The following QRICH1 variants were observed in gnomAD, a reference collection of about 807,000 sequenced individuals.
QRICH1 encodes the protein glutamine rich 1.
A neutral mutation model predicts 87.1 loss-of-function variants in QRICH1; 16 were observed. That is an observed-to-expected ratio of 0.18 (90% confidence interval 0.12 to 0.28). The LOEUF (loss-of-function observed/expected upper bound fraction) is 0.28. QRICH1 is among the 10% of genes least tolerant of loss of function. The probability of loss-of-function intolerance (pLI) is 1.00; values close to 1 mark genes in which losing one functional copy is unlikely to be tolerated. For missense variants in QRICH1, 647 were observed against 951.7 expected, an observed-to-expected ratio of 0.68 and a Z score of 4.21; for synonymous variants, 367 against 368.4, an observed-to-expected ratio of 1.00 and a Z score of 0.05.
At chr3:49,087,519 T>C (rs1034489101) in intron 1 of QRICH1, among the ~76,000 whole-genome samples, 4 of 150,638 alleles carry the variant, frequency 2.7e-5, no homozygotes, top group Non-Finnish European at 4.4e-5. Flanking sequence ...CACTCCAGCC[T>C]GGGCAACAGA....
At chr3:49,092,846 T>TAA (rs1486452860) in intron 1 of QRICH1, among the ~76,000 whole-genome samples, 1 of 152,214 alleles carries the variant, frequency 6.6e-6, no homozygotes, top group Non-Finnish European at 1.5e-5. Context: ...TCAAAAAAGG[T>TAA]AAAGCACTGA....
intron 3 of QRICH1, among the ~76,000 whole-genome samples, chr3:49,052,508 T>G (rs2093376858): frequency 6.6e-6 from 1 of 151,994 alleles, no homozygotes; most frequent in South Asian, 2.1e-4. Context: ...TCTGCCCCTT[T>G]TTTGTTTGTT....
At chr3:49,039,867 C>A (rs1283743035) in intron 6 of QRICH1, among the ~76,000 whole-genome samples, 1 of 152,004 alleles carries the variant, frequency 6.6e-6, no homozygotes, top group Admixed American at 6.6e-5. Flanking sequence ...TGAGACCAGC[C>A]TGGCCAACAT....
At chr3:49,034,722 T>G (rs2093264269) in intron 6 of QRICH1, among the ~76,000 whole-genome samples, 1 of 152,156 alleles carries the variant, frequency 6.6e-6, no homozygotes, top group Non-Finnish European at 1.5e-5. Context: ...GGTCAATAAT[T>G]TGAATAAGAG....
At chr3:49,058,848 G>C (rs1474126398) in intron 2 of QRICH1, among the ~76,000 whole-genome samples, 1 of 152,048 alleles carries the variant, frequency 6.6e-6, no homozygotes, top group Admixed American at 6.6e-5. Context: ...GGCTGGTCTC[G>C]AACTCCCGAC....
At position 49,057,940 on chromosome 3, in the gene QRICH1, C is replaced by T; in HGVS notation, c.310-50G>A. On this transcript the variant is annotated intron_variant, in intron 2 of 9. Transcript: ENST00000395443. The surrounding 1 kb of genome is among the most constrained non-coding windows in gnomAD (Gnocchi z 5.4). ...GAGTGAACCAGGCAGCACTGAAAATCCAGTACCCAAGGAAAGAAAGAAAAG... is the reference window on the plus strand; with the variant it reads ...GAGTGAACCAGGCAGCACTGAAAATTCAGTACCCAAGGAAAGAAAGAAAAG... 5.6e-6 allele frequency: 9 copies of T among 1,613,448 alleles called. No individual in the cohort carries two copies. Among genetic ancestry groups the T allele is most frequent in the Non-Finnish European group, 7.6e-6 (9 of 1,179,978 alleles).
chr3:49,049,329 C>T (rs2093356860), intron 3 of QRICH1, among the ~76,000 whole-genome samples: 1 of 151,602 alleles, frequency 6.6e-6, no homozygotes, highest in Non-Finnish European at 1.5e-5. Context: ...CCTGTAATCT[C>T]AGCTACTTGG....
At chr3:49,048,286 C>T (rs1468638288) in intron 3 of QRICH1, among the ~76,000 whole-genome samples, 1 of 151,658 alleles carries the variant, frequency 6.6e-6, no homozygotes, top group Admixed American at 6.6e-5. Flanking sequence ...GCATGTGCCA[C>T]CACGCCCGGC....
intron 3 of QRICH1, among the ~76,000 whole-genome samples, chr3:49,055,086 G>A (rs1436852634): frequency 1.3e-5 from 2 of 152,064 alleles, no homozygotes; most frequent in Admixed American, 1.3e-4. Flanking sequence ...TAAGCTATAT[G>A]AAGCAAAAAA....
At chr3:49,064,299 G>C (rs187850335) in intron 2 of QRICH1, among the ~76,000 whole-genome samples, 2 of 143,578 alleles carry the variant, frequency 1.4e-5, no homozygotes, top group African/African-American at 2.6e-5. Context: ...CTGGAGTGCA[G>C]TGGTGTGATC....
At chr3:49,032,886 G>A (rs1246457399) in intron 7 of QRICH1, 113 bp from the exon 8 acceptor site, 3 of 1,330,084 alleles carry the variant, frequency 2.3e-6, no homozygotes, top group Non-Finnish European at 2.0e-6. Flanking sequence ...CCAAGATCTG[G>A]GCAGGCCCGT....
At chr3:49,043,208 G>A (rs1190766741) in intron 6 of QRICH1, among the ~76,000 whole-genome samples, 1 of 151,936 alleles carries the variant, frequency 6.6e-6, no homozygotes, top group East Asian at 1.9e-4. Context: ...AAAACATAAA[G>A]TCTATTGGCT....
intron 6 of QRICH1, among the ~76,000 whole-genome samples, chr3:49,039,350 C>G (rs1029570486): frequency 6.6e-6 from 1 of 151,888 alleles, no homozygotes; most frequent in Non-Finnish European, 1.5e-5. Flanking sequence ...GAGTGAGGAT[C>G]TGTCTCAAAT....
chr3:49,032,031 G>C, intron 9 of QRICH1, 152 bp downstream of exon 9: 1 of 664,202 alleles, frequency 1.5e-6, no homozygotes, highest in African/African-American at 1.8e-5. Flanking sequence ...CCAGAGCAAG[G>C]CTGCTTCTAA....
At chr3:49,090,256 A>C (rs534290031) in intron 1 of QRICH1, among the ~76,000 whole-genome samples, 2 of 152,088 alleles carry the variant, frequency 1.3e-5, no homozygotes, top group African/African-American at 4.8e-5. Context: ...TCAGGAGATC[A>C]AGACCATGCT....
intron 3 of QRICH1, 126 bp from the exon 4 acceptor site, chr3:49,047,372 C>G (rs2106866080): frequency 1.1e-6 from 1 of 943,470 alleles, no homozygotes; most frequent in African/African-American, 1.7e-5. Flanking sequence ...CATTGCTGTC[C>G]TACTTTTAAG....
intron 3 of QRICH1, among the ~76,000 whole-genome samples, chr3:49,054,642 T>C (rs1360838188): frequency 6.6e-6 from 1 of 152,206 alleles, no homozygotes; most frequent in African/African-American, 2.4e-5. Context: ...CAGTGGCTCA[T>C]GCCTGTAATC....
Position 49,057,666 on chromosome 3 carries a change from C to T in QRICH1, c.534G>A (p.Gln178=), listed in dbSNP as rs1309741811. 1 of 1,614,206 alleles carries T rather than the reference C, an allele frequency of 6.2e-7. No individual in the cohort carries two copies. The highest frequency in any genetic ancestry group is 8.5e-7 in the Non-Finnish European group (1 of 1,180,032). Residue 178 remains glutamine (Q), a synonymous_variant, in exon 3 of 10, where the codon CAG becomes CAA. Coordinates refer to ENST00000395443, the MANE Select transcript of QRICH1 (RefSeq NM_198880.3). The surrounding 1 kb of genome is among the most constrained non-coding windows in gnomAD (Gnocchi z 5.4). ...QIQVQHVQAA[Q]QIQAAEIPEE... ...CCGGGATTTCTGCAGCCTGGATCTG[C>T]TGGGCTGCTTGCACGTGCTGCACCT...
intron 1 of QRICH1, among the ~76,000 whole-genome samples, chr3:49,082,631 C>T (rs1332601595): frequency 1.3e-5 from 2 of 152,146 alleles, no homozygotes; most frequent in East Asian, 3.9e-4. Flanking sequence ...CACGGTGGCT[C>T]ACGCCTGTAA....
Sources: gnomAD v4.1 joint callset for allele counts (sites outside exome capture counted in the v4.1 genomes callset) on GRCh38, gnomAD v4.1.1 for gene constraint, Gnocchi (gnomAD v3.1) non-coding constraint, MANE v1.5 for transcripts, NCBI Gene and HGNC (gene_info 2026-07-23, HGNC 2026-07-21) for gene names.